Variants in EDN1 observed in about 807,000 individuals in gnomAD.
EDN1 encodes the protein endothelin-1.
Under a neutral mutation model 21.7 loss-of-function variants are expected in EDN1, and 11 were observed. The observed-to-expected ratio is 0.51, with a 90% CI of 0.32 to 0.84. The LOEUF is 0.84. Among genes scored for constraint, EDN1 ranks in the 40% least tolerant of loss-of-function variants. The probability of loss-of-function intolerance (pLI) is 0.03; values close to 1 mark genes in which losing one functional copy is unlikely to be tolerated. For synonymous variants in EDN1, 85 were observed against 90.6 expected, an observed-to-expected ratio of 0.94 and a Z score of 0.35; for missense variants, 244 against 262.3, an observed-to-expected ratio of 0.93 and a Z score of 0.48.
the EDN1 span, among the ~76,000 whole-genome samples, chr6:12,235,328 A>C: frequency 1.3e-5 from 2 of 152,228 alleles, no homozygotes; most frequent in African/African-American, 4.8e-5. Context: ...ATCTGCTGCT[A>C]ATTTTGGTAA....
At chr6:12,279,638 C>G in the EDN1 span, among the ~76,000 whole-genome samples, 1 of 152,146 alleles carries the variant, frequency 6.6e-6, no homozygotes, top group Non-Finnish European at 1.5e-5. Context: ...TGCTCTTGTC[C>G]CGCAAGGACC....
chr6:12,268,739 C>G, the EDN1 span, among the ~76,000 whole-genome samples: 1 of 152,132 alleles, frequency 6.6e-6, no homozygotes, highest in Non-Finnish European at 1.5e-5. Context: ...ATTTTGAAGT[C>G]AGGTAGTGTG....
At chr6:12,292,725 C>G (rs1762717285) in intron 2 of EDN1, among the ~76,000 whole-genome samples, 1 of 152,098 alleles carries the variant, frequency 6.6e-6, no homozygotes, top group South Asian at 2.1e-4. Flanking sequence ...GTAGCTCAGG[C>G]TACTCATGAT....
At chr6:12,249,894 CAG>C in the EDN1 span, among the ~76,000 whole-genome samples, 149 of 152,082 alleles carry the variant, frequency 9.8e-4, no homozygotes, top group African/African-American at 3.0e-3. Context: ...CTCCAGACAC[CAG>C]AGACTGCCAG....
At chr6:12,248,848 T>C in the EDN1 span, among the ~76,000 whole-genome samples, 5 of 152,220 alleles carry the variant, frequency 3.3e-5, no homozygotes, top group African/African-American at 1.2e-4. Context: ...AGTGATATTA[T>C]AGCATACGTG....
the EDN1 span, among the ~76,000 whole-genome samples, chr6:12,268,180 C>G: frequency 6.6e-6 from 1 of 152,106 alleles, no homozygotes; most frequent in Non-Finnish European, 1.5e-5. Flanking sequence ...GCCCATGGAT[C>G]AAGGAGTAAT....
At chr6:12,245,906 T>G in the EDN1 span, among the ~76,000 whole-genome samples, 1 of 152,208 alleles carries the variant, frequency 6.6e-6, no homozygotes, top group Non-Finnish European at 1.5e-5. Flanking sequence ...CTGTTTAAAA[T>G]GTCATGCCCA....
At chr6:12,291,217 T>TCCCCCCC (rs56214323) in intron 1 of EDN1, among the ~76,000 whole-genome samples, 3 of 92,142 alleles carry the variant, frequency 3.3e-5, no homozygotes, top group Non-Finnish European at 4.8e-5. Context: ...AACTACCGCC[T>TCCCCCCC]CCCCCCCCCC....
the EDN1 span, among the ~76,000 whole-genome samples, chr6:12,231,586 A>T: frequency 6.6e-6 from 1 of 152,228 alleles, no homozygotes; most frequent in Non-Finnish European, 1.5e-5. Flanking sequence ...ATATTTCAGT[A>T]GCTTTTTAGA....
the EDN1 span, among the ~76,000 whole-genome samples, chr6:12,240,126 G>A: frequency 1.3e-5 from 2 of 152,160 alleles, no homozygotes; most frequent in African/African-American, 4.8e-5. Context: ...ATTTTGTATT[G>A]ACAAAGAGAC....
chr6:12,256,051 A>T, the EDN1 span, among the ~76,000 whole-genome samples: 3 of 152,228 alleles, frequency 2.0e-5, no homozygotes, highest in Non-Finnish European at 4.4e-5. Context: ...CTGGCACAGG[A>T]AACAAGACGG....
the EDN1 span, among the ~76,000 whole-genome samples, chr6:12,265,936 C>T: frequency 1.3e-5 from 2 of 152,312 alleles, no homozygotes; most frequent in East Asian, 1.9e-4. Context: ...GTTGAGGGAA[C>T]CCTTCCCTTA....
chr6:12,281,582 G>C, the EDN1 span, among the ~76,000 whole-genome samples: 7 of 152,208 alleles, frequency 4.6e-5, no homozygotes, highest in African/African-American at 1.7e-4. Flanking sequence ...TGTTTAATGA[G>C]TAGACATTAG....
the EDN1 span, among the ~76,000 whole-genome samples, chr6:12,240,627 C>T: frequency 4.6e-5 from 7 of 152,114 alleles, no homozygotes; most frequent in Admixed American, 3.9e-4. Context: ...GAACCAGATG[C>T]ATGAATTTGG....
the EDN1 span, among the ~76,000 whole-genome samples, chr6:12,231,205 G>C: frequency 6.6e-6 from 1 of 152,168 alleles, no homozygotes; most frequent in Admixed American, 6.5e-5. Flanking sequence ...CTTACTTTCT[G>C]CCAGGAGTGG....
chr6:12,258,192 G>A, the EDN1 span, among the ~76,000 whole-genome samples: 3 of 151,778 alleles, frequency 2.0e-5, no homozygotes, highest in African/African-American at 7.3e-5. Context: ...GGAGGCTCAT[G>A]CCTGTAATCC....
At chr6:12,261,930 C>T in the EDN1 span, among the ~76,000 whole-genome samples, 2 of 152,068 alleles carry the variant, frequency 1.3e-5, no homozygotes, top group African/African-American at 4.8e-5. Flanking sequence ...AGAATTAGTC[C>T]CTTAGATAAC....
the EDN1 span, among the ~76,000 whole-genome samples, chr6:12,243,105 A>C: frequency 1.3e-5 from 2 of 152,202 alleles, no homozygotes; most frequent in Non-Finnish European, 2.9e-5. Context: ...TAACATAAAC[A>C]GCCAATTAAC....
intron 2 of EDN1, among the ~76,000 whole-genome samples, chr6:12,293,197 T>G (rs1307887186): frequency 1.3e-5 from 2 of 152,202 alleles, no homozygotes; most frequent in Non-Finnish European, 2.9e-5. Context: ...ACACATTTAC[T>G]ATGCATACAA....
Sources: allele counts gnomAD v4.1 joint callset (sites outside exome capture counted in the v4.1 genomes callset), GRCh38; gene constraint gnomAD v4.1.1; transcripts MANE v1.5; gene names NCBI Gene and HGNC (gene_info 2026-07-23, HGNC 2026-07-21).